The following EYS variants were observed in gnomAD, a reference collection of about 807,000 sequenced individuals.
The protein encoded by EYS is EGF-like photoreceptor maintenance factor.
EYS carries 250 observed loss-of-function variants against 282.1 expected under a neutral mutation model. The observed-to-expected ratio is 0.89, with a 90% CI of 0.80 to 0.98. EYS has a LOEUF of 0.98. Ranked by LOEUF, EYS falls within the 50% of genes least tolerant of loss-of-function variation. The pLI is 0.00. For synonymous variants in EYS, 1,355 were observed against 1,282.9 expected, an observed-to-expected ratio of 1.06 and a Z score of -1.20; for missense variants, 4,016 against 3,709.0, an observed-to-expected ratio of 1.08 and a Z score of -2.15.
chr6:65,671,883 A>C (rs746490021), intron 1 of EYS, among the ~76,000 whole-genome samples: 4 of 152,112 alleles, frequency 2.6e-5, no homozygotes, highest in Admixed American at 6.6e-5. Context: ...TAGCTAAGAG[A>C]CTGATTTCTT....
At chr6:64,117,190 C>T (rs913869636) in intron 31 of EYS, among the ~76,000 whole-genome samples, 1 of 151,918 alleles carries the variant, frequency 6.6e-6, no homozygotes, top group African/African-American at 2.4e-5. Flanking sequence ...TCTTAACAAA[C>T]TTAAGAAGTG....
chr6:64,000,647 G>C (rs1447894319), intron 33 of EYS, among the ~76,000 whole-genome samples: 1 of 152,028 alleles, frequency 6.6e-6, no homozygotes, highest in Non-Finnish European at 1.5e-5. Context: ...TGTTGACTTA[G>C]TTGAATGAAA....
At chr6:64,065,638 C>T (rs1054648753) in intron 33 of EYS, among the ~76,000 whole-genome samples, 1 of 152,084 alleles carries the variant, frequency 6.6e-6, no homozygotes, top group Non-Finnish European at 1.5e-5. Context: ...CAGTCAATGG[C>T]TCCCACTAAC....
chr6:63,894,258 A>C (rs138016821), intron 35 of EYS, among the ~76,000 whole-genome samples: 29 of 152,324 alleles, frequency 1.9e-4, no homozygotes, highest in Middle Eastern at 3.4e-3. Context: ...TTATAGATGT[A>C]ATCAAGTCAG....
chr6:63,760,212 A>G (rs1769596424), intron 41 of EYS, among the ~76,000 whole-genome samples: 1 of 152,082 alleles, frequency 6.6e-6, no homozygotes, highest in African/African-American at 2.4e-5. Flanking sequence ...TATTTAAACT[A>G]GTCCATGAAA....
intron 33 of EYS, among the ~76,000 whole-genome samples, chr6:64,042,853 T>C (rs1271131294): frequency 6.6e-6 from 1 of 152,160 alleles, no homozygotes; most frequent in African/African-American, 2.4e-5. Flanking sequence ...GCATCCACCA[T>C]CTTTAAGGAC....
chr6:63,999,105 C>T lies in EYS; in HGVS notation c.6804G>A (p.Lys2268=). The T allele has an allele frequency of 1.9e-6, 3 of 1,551,682 alleles. No individual in the cohort carries two copies. Among genetic ancestry groups the T allele is most frequent in the Non-Finnish European group, 2.6e-6 (3 of 1,146,710 alleles). ...AGGCATGGGAAATCTCTGTGTCTTTCTTCTGTACTGGAGGTTTTCCATCTG... is the reference window on the plus strand; with the variant it reads ...AGGCATGGGAAATCTCTGTGTCTTTTTTCTGTACTGGAGGTTTTCCATCTG... The part of the protein sequence containing the change: ...MTADGKPPVQ[K]KDTEISHASQ... Residue 2268 remains lysine, a synonymous_variant, in exon 34 of 43, where the codon AAG becomes AAA. Transcript: ENST00000503581.
intron 26 of EYS, among the ~76,000 whole-genome samples, chr6:64,583,796 A>C (rs1223040551): frequency 1.4e-5 from 2 of 146,186 alleles, no homozygotes; most frequent in Admixed American, 1.4e-4. Flanking sequence ...ATTCTGCCTC[A>C]AAAAAAAAAA....
At chr6:64,199,258 A>G (rs1310088636) in intron 31 of EYS, among the ~76,000 whole-genome samples, 1 of 152,226 alleles carries the variant, frequency 6.6e-6, no homozygotes, top group Non-Finnish European at 1.5e-5. Context: ...GTAACAGAAC[A>G]GTGGCCTCAG....
At chr6:63,767,939 A>C (rs115659854) in intron 40 of EYS, among the ~76,000 whole-genome samples, 1,864 of 152,228 alleles carry the variant, frequency 0.012, 18 homozygotes, top group Non-Finnish European at 0.021. Flanking sequence ...AAAGCACCTG[A>C]TCTTCAACAA....
intron 28 of EYS, among the ~76,000 whole-genome samples, chr6:64,399,132 T>C (rs1320058507): frequency 6.6e-6 from 1 of 151,816 alleles, no homozygotes; most frequent in Admixed American, 6.6e-5. Context: ...AATGAACTCA[T>C]TTCTTATAAA....
At chr6:65,438,774 A>G (rs1386537389) in intron 5 of EYS, among the ~76,000 whole-genome samples, 2 of 152,026 alleles carry the variant, frequency 1.3e-5, no homozygotes, top group African/African-American at 2.4e-5. Flanking sequence ...AGATGAGTAG[A>G]TTGCAAAAAT....
In EYS at chr6:63,720,953, T is replaced by TAGA; in HGVS notation, c.9077_9078insTCT (p.Glu3026delinsAspLeu). The TAGA allele has an allele frequency of 6.4e-7, 1 of 1,551,354 alleles. No homozygotes were observed. Among genetic ancestry groups the TAGA allele is most frequent in the Non-Finnish European group, 8.7e-7 (1 of 1,146,796 alleles). On this transcript the variant is annotated protein_altering_variant, in exon 43 of 43. Coordinates refer to ENST00000503581, the MANE Select transcript of EYS (RefSeq NM_001142800.2). Reference sequence around the variant, plus strand: ...TATAGCTCATAGGCACAGAGATTCTTTCTCCCAAGTTAACTGCTATTTTCA... The same window carrying TAGA: ...TATAGCTCATAGGCACAGAGATTCTTAGATCTCCCAAGTTAACTGCTATTTTCA...
intron 35 of EYS, among the ~76,000 whole-genome samples, chr6:63,898,116 C>G (rs1773577521): frequency 6.6e-6 from 1 of 152,176 alleles, no homozygotes; most frequent in Admixed American, 6.5e-5. Flanking sequence ...CTGGGCCAAA[C>G]ATCTTGTCCC....
chr6:64,044,860 G>T (rs1014828269), intron 33 of EYS, among the ~76,000 whole-genome samples: 3 of 152,128 alleles, frequency 2.0e-5, no homozygotes, highest in Non-Finnish European at 4.4e-5. Flanking sequence ...TTAGATCAGA[G>T]AGTAGATATT....
chr6:64,410,337 T>C (rs542000769), intron 28 of EYS, among the ~76,000 whole-genome samples: 2 of 152,148 alleles, frequency 1.3e-5, no homozygotes, highest in Non-Finnish European at 2.9e-5. Flanking sequence ...TATCTGAGAC[T>C]GAATATGATT....
rs759702634 is a variant in EYS, at chr6:65,021,989, C to T, written c.2138-24286G>A. Among the ~76,000 whole-genome samples the T allele has an allele frequency of 2.0e-5, 3 of 152,154 alleles. No homozygotes were observed. In the South Asian group the frequency reaches 6.2e-4, roughly 32 times the overall value. On this transcript the variant is annotated intron_variant, in intron 13 of 42. Transcript: ENST00000503581. ...ATAATCCCCATGATTCAATTACCTCCCACTGGGTCCCTCCCACAACATGTG... is the reference window on the plus strand; with the variant it reads ...ATAATCCCCATGATTCAATTACCTCTCACTGGGTCCCTCCCACAACATGTG...
intron 41 of EYS, among the ~76,000 whole-genome samples, chr6:63,738,677 T>C (rs1377544729): frequency 1.3e-5 from 2 of 151,742 alleles, no homozygotes; most frequent in Non-Finnish European, 2.9e-5. Flanking sequence ...GCATGGCACA[T>C]GTATACATAT....
intron 30 of EYS, among the ~76,000 whole-genome samples, chr6:64,275,673 C>A (rs1421077804): frequency 6.6e-6 from 1 of 151,464 alleles, no homozygotes. Flanking sequence ...GCCTTATTAC[C>A]TGGCCAGGCG....
Sources: gnomAD v4.1 joint callset for allele counts (sites outside exome capture counted in the v4.1 genomes callset) on GRCh38, gnomAD v4.1.1 for gene constraint, MANE v1.5 for transcripts, NCBI Gene and HGNC (gene_info 2026-07-23, HGNC 2026-07-21) for gene names.